TMC2: variants seen among roughly 807,000 people sequenced by gnomAD.
TMC2 encodes transmembrane channel-like protein 2.
A neutral mutation model predicts 105.9 loss-of-function variants in TMC2; 102 were observed. That is an observed-to-expected ratio of 0.96 (90% CI 0.82 to 1.14). The LOEUF is 1.14. TMC2 is among the 50% of genes most tolerant of loss of function. The pLI, the probability that TMC2 is intolerant of heterozygous loss-of-function variation, is 0.00. For synonymous variants in TMC2, 402 were observed against 422.8 expected, an observed-to-expected ratio of 0.95 and a Z score of 0.60; for missense variants, 1,093 against 1,134.3, an observed-to-expected ratio of 0.96 and a Z score of 0.52.
chr20:2,584,455 A>G (rs1040951425), intron 7 of TMC2, among the ~76,000 whole-genome samples: 11 of 151,754 alleles, frequency 7.2e-5, no homozygotes, highest in African/African-American at 2.7e-4. Context: ...AAAAAAAAAA[A>G]AAAAAGAAAA....
chr20:2,632,024 CTTT>C lies in TMC2; in HGVS notation c.2307-3890_2307-3888del, dbSNP rs771526409. On this transcript the variant is annotated intron_variant, in intron 17 of 19. Coordinates refer to ENST00000358864, the MANE Select transcript of TMC2 (RefSeq NM_080751.3). ...TGATCTATTTTCAAGTTCATTGATT[CTTT>C]TTTTTTTTTTTCGAGATGGTGTCTC... Among the ~76,000 whole-genome samples the C allele has an allele frequency of 3.6e-5, 5 of 137,286 alleles. No homozygotes were observed. In the East Asian group the frequency reaches 8.4e-4, roughly 23 times the overall value. 90.1% of individuals were successfully genotyped at this position (137,286 alleles called of 152,430 possible).
chr20:2,595,746 G>A (rs1213288638), intron 9 of TMC2, among the ~76,000 whole-genome samples: 1 of 103,154 alleles, frequency 9.7e-6, no homozygotes, highest in Non-Finnish European at 2.1e-5. Context: ...AGACATGAGG[G>A]GTCACAGCCT....
intron 16 of TMC2, among the ~76,000 whole-genome samples, chr20:2,623,065 A>C (rs13040690): frequency 0.42 from 63,442 of 151,942 alleles, 15,493 homozygotes; most frequent in East Asian, 0.55. Context: ...AAAACATTCC[A>C]TATCTGCATT....
Position 2,558,339 on chromosome 20 carries a change from C to T in TMC2, c.83-117C>T. 6.7e-7 allele frequency: 1 copy of T among 1,496,878 alleles called. No homozygotes were observed. The highest frequency in any genetic ancestry group is 8.9e-7 in the Non-Finnish European group (1 of 1,121,968). The allele number at this position is 1,496,878 out of a possible 1,614,324, so 92.7% of individuals were successfully genotyped here. A position where few individuals can be genotyped will look rare whatever the true frequency, so the allele number is the denominator to read the frequency against. ...ACTTTGGGGTGTCCTGTTCTGAGCC[C>T]CGCAGAGCTCACAAGCTCTCGGAAT... On this transcript the variant is annotated intron_variant, in intron 2 of 19. Coordinates refer to ENST00000358864, the MANE Select transcript of TMC2 (RefSeq NM_080751.3). The surrounding 1 kb of genome is among the most constrained non-coding windows in gnomAD (Gnocchi z 4.6).
At chr20:2,627,338 T>C (rs539699712) in intron 17 of TMC2, among the ~76,000 whole-genome samples, 1 of 152,354 alleles carries the variant, frequency 6.6e-6, no homozygotes, top group Non-Finnish European at 1.5e-5. Flanking sequence ...ATCTCTGCTC[T>C]GCTCTTCAGC....
At chr20:2,562,143 G>T in intron 4 of TMC2, 133 bp downstream of exon 4, 1 of 1,155,882 alleles carries the variant, frequency 8.7e-7, no homozygotes. Flanking sequence ...CAGCACTCAG[G>T]GAGCCCCATG....
chr20:2,584,787 T>C (rs953778583), intron 7 of TMC2, among the ~76,000 whole-genome samples: 2 of 150,096 alleles, frequency 1.3e-5, no homozygotes, highest in Non-Finnish European at 2.9e-5. Context: ...CTCTCTGAAA[T>C]GTCTTTTTTT....
intron 3 of TMC2, among the ~76,000 whole-genome samples, chr20:2,561,511 G>C (rs1328695484): frequency 4.6e-5 from 7 of 152,120 alleles, no homozygotes; most frequent in Admixed American, 4.6e-4. Flanking sequence ...TAAATAAACT[G>C]TATTATTAAA....
chr20:2,562,858 A>C (rs1215141393), intron 4 of TMC2, among the ~76,000 whole-genome samples: 1 of 152,076 alleles, frequency 6.6e-6, no homozygotes, highest in African/African-American at 2.4e-5. Flanking sequence ...AGGCAGGAGA[A>C]TAGCTTGAAC....
rs1271346207 is a variant in TMC2, at chr20:2,616,239, C to T, written c.1940+35C>T. 3.8e-6 allele frequency: 6 copies of T among 1,575,106 alleles called. No homozygotes were observed. The highest frequency in any genetic ancestry group is 5.2e-6 in the Non-Finnish European group (6 of 1,144,812). ...CCATTTCATCTGGTGATCGCCTCATCCAAGGAGTCAAAAAACTGGAATCCC... is the reference window on the plus strand; with the variant it reads ...CCATTTCATCTGGTGATCGCCTCATTCAAGGAGTCAAAAAACTGGAATCCC... On this transcript the variant is annotated intron_variant, in intron 15 of 19. Transcript: ENST00000358864. The surrounding 1 kb of genome is among the most constrained non-coding windows in gnomAD (Gnocchi z 4.8).
At chr20:2,552,163 T>G (rs923906117) in intron 2 of TMC2, among the ~76,000 whole-genome samples, 4 of 151,624 alleles carry the variant, frequency 2.6e-5, no homozygotes, top group Non-Finnish European at 5.9e-5. Flanking sequence ...GAGGCTGAGG[T>G]GGGAGGATTG....
In TMC2 at chr20:2,579,247, T is replaced by A; in HGVS notation, c.727+20T>A. 2 of 1,486,008 alleles carry A rather than the reference T, an allele frequency of 1.3e-6. No individual in the cohort carries two copies. The highest frequency in any genetic ancestry group is 1.9e-6 in the Non-Finnish European group (2 of 1,063,758). 92.1% of individuals were successfully genotyped at this position (1,486,008 alleles called of 1,614,324 possible). A position where few individuals can be genotyped will look rare whatever the true frequency, so the allele number is the denominator to read the frequency against. ...TTGAAAGTGAGTATGCTGGTGTCAC[T>A]GTTTTTTTAATTGGTTTCCTAAAGC... On this transcript the variant is annotated intron_variant, in intron 6 of 19. Transcript: ENST00000358864.
chr20:2,608,085 T>C (rs957815088), intron 11 of TMC2, among the ~76,000 whole-genome samples: 1 of 150,026 alleles, frequency 6.7e-6, no homozygotes, highest in African/African-American at 2.5e-5. Context: ...GACTGCGCCA[T>C]TGCACTCCAG....
chr20:2,629,355 G>C (rs929361644), intron 17 of TMC2, among the ~76,000 whole-genome samples: 6 of 152,080 alleles, frequency 3.9e-5, no homozygotes, highest in East Asian at 1.9e-4. Flanking sequence ...GGTGGGGAGT[G>C]CTTTTAATGT....
At chr20:2,548,888 G>C (rs1459725861) in intron 2 of TMC2, among the ~76,000 whole-genome samples, 1 of 152,038 alleles carries the variant, frequency 6.6e-6, no homozygotes, top group South Asian at 2.1e-4. Flanking sequence ...TTTGATCAAG[G>C]AACCTATATA....
chr20:2,614,742 A>C (rs182876235), intron 14 of TMC2, among the ~76,000 whole-genome samples: 4 of 152,094 alleles, frequency 2.6e-5, no homozygotes, highest in African/African-American at 9.7e-5. Flanking sequence ...TACTATCTAC[A>C]TGGGCCTTTA....
chr20:2,612,289 G>A lies in TMC2; in HGVS notation c.1692G>A (p.Leu564=). 1 of 1,607,198 alleles carries A rather than the reference G, an allele frequency of 6.2e-7. No homozygotes were observed. Among genetic ancestry groups the A allele is most frequent in the Non-Finnish European group, 8.5e-7 (1 of 1,175,914 alleles). Reference sequence around the variant, plus strand: ...ACGAGAGTGTCCCCCGACCACCCCTGCACCCTGCAGATGTGCCCCGGGGTT... The same window carrying A: ...ACGAGAGTGTCCCCCGACCACCCCTACACCCTGCAGATGTGCCCCGGGGTT... ...GWNESVPRPP[L]HPADVPRGSC... Residue 564 remains leucine (L), a synonymous_variant, in exon 13 of 20, where the codon CTG becomes CTA. Transcript: ENST00000358864.
intron 4 of TMC2, among the ~76,000 whole-genome samples, chr20:2,568,061 G>T (rs1600104603): frequency 6.6e-6 from 1 of 152,166 alleles, no homozygotes; most frequent in South Asian, 2.1e-4. Flanking sequence ...GGAGAAAAAG[G>T]ATGAGACTGA....
chr20:2,562,118 C>A, intron 4 of TMC2, 108 bp downstream of exon 4: 2 of 1,355,238 alleles, frequency 1.5e-6, no homozygotes, highest in Non-Finnish European at 9.9e-7. Flanking sequence ...TGTGAGGGGG[C>A]TGCTCCAGCG....
Sources: gnomAD v4.1 joint callset for allele counts (sites outside exome capture counted in the v4.1 genomes callset) on GRCh38, gnomAD v4.1.1 for gene constraint, Gnocchi (gnomAD v3.1) non-coding constraint, MANE v1.5 for transcripts, NCBI Gene and HGNC (gene_info 2026-07-23, HGNC 2026-07-21) for gene names.